The following SCHIP1 variants were observed in gnomAD, a reference collection of about 807,000 sequenced individuals.
The protein encoded by SCHIP1 is schwannomin interacting protein 1, also known as schwannomin-interacting protein 1.
A neutral mutation model predicts 29.7 loss-of-function variants in SCHIP1; 8 were observed. The ratio of observed to expected loss-of-function variants is 0.27; its 90% CI spans 0.16 to 0.49. The LOEUF (loss-of-function observed/expected upper bound fraction) is 0.49. Ranked by LOEUF, SCHIP1 falls within the 20% of genes least tolerant of loss-of-function variation. SCHIP1 has a pLI of 0.99. For missense variants in SCHIP1, 193 were observed against 294.6 expected (o/e 0.66, Z 2.52); for synonymous variants, 76 against 94.9 (o/e 0.80, Z 1.16).
the SCHIP1 span, among the ~76,000 whole-genome samples, chr3:159,568,281 A>G: frequency 1.3e-5 from 2 of 152,164 alleles, no homozygotes; most frequent in East Asian, 1.9e-4. Context: ...CATAAACATT[A>G]TATTTCTTTA....
exon 7 of SCHIP1, chr3:159,896,975 TA>T: frequency 2.1e-6 from 1 of 474,662 alleles, no homozygotes; most frequent in Non-Finnish European, 3.6e-6. Context: ...GGCATTTTAA[TA>T]AAATATTGTT....
the SCHIP1 span, among the ~76,000 whole-genome samples, chr3:159,561,488 C>T: frequency 6.6e-6 from 1 of 152,216 alleles, no homozygotes; most frequent in Non-Finnish European, 1.5e-5. Flanking sequence ...TATCAGTTAA[C>T]TGTCATGAAT....
At chr3:159,374,136 C>T in the SCHIP1 span, among the ~76,000 whole-genome samples, 2 of 152,082 alleles carry the variant, frequency 1.3e-5, no homozygotes, top group Admixed American at 1.3e-4. Flanking sequence ...TTTTTATATT[C>T]TGACTGCATG....
At chr3:159,732,553 A>G in the SCHIP1 span, among the ~76,000 whole-genome samples, 2 of 152,232 alleles carry the variant, frequency 1.3e-5, no homozygotes, top group Non-Finnish European at 2.9e-5. Context: ...AGTTGAAGGA[A>G]AAAACAAGGT....
the SCHIP1 span, among the ~76,000 whole-genome samples, chr3:159,726,804 C>G: frequency 6.6e-6 from 1 of 152,188 alleles, no homozygotes. Context: ...TTCCCAGGTG[C>G]AAACCTTTAC....
At chr3:159,500,621 G>T in the SCHIP1 span, among the ~76,000 whole-genome samples, 3 of 151,962 alleles carry the variant, frequency 2.0e-5, no homozygotes, top group Non-Finnish European at 2.9e-5. Context: ...GGCTGAGGCA[G>T]GAGAATGGCG....
chr3:159,801,626 A>G, the SCHIP1 span, among the ~76,000 whole-genome samples: 2 of 152,174 alleles, frequency 1.3e-5, no homozygotes, highest in Non-Finnish European at 2.9e-5. Context: ...AGTTTTGAAA[A>G]GGAAAAAAAA....
At chr3:159,881,491 A>G (rs1716437229) in intron 2 of SCHIP1, among the ~76,000 whole-genome samples, 1 of 152,246 alleles carries the variant, frequency 6.6e-6, no homozygotes, top group Non-Finnish European at 1.5e-5. Context: ...TCCCTGGCAT[A>G]TGGGACATTC....
the SCHIP1 span, among the ~76,000 whole-genome samples, chr3:159,424,184 C>T: frequency 2.6e-5 from 4 of 152,226 alleles, 1 homozygote; most frequent in African/African-American, 7.2e-5. Context: ...TGGAACAAAG[C>T]TGGACGGAGA....
At chr3:159,406,825 G>T in the SCHIP1 span, among the ~76,000 whole-genome samples, 2 of 152,098 alleles carry the variant, frequency 1.3e-5, no homozygotes, top group African/African-American at 4.8e-5. Flanking sequence ...GCTGTCATGA[G>T]TTTAAAATAT....
the SCHIP1 span, among the ~76,000 whole-genome samples, chr3:159,584,886 C>G: frequency 6.6e-6 from 1 of 152,080 alleles, no homozygotes; most frequent in South Asian, 2.1e-4. Context: ...CCTAACCACA[C>G]TGACCTCCTT....
chr3:159,748,288 A>C, the SCHIP1 span, among the ~76,000 whole-genome samples: 1 of 152,236 alleles, frequency 6.6e-6, no homozygotes, highest in Non-Finnish European at 1.5e-5. Flanking sequence ...GATGAATCAC[A>C]GTATATGTGT....
chr3:159,764,660 C>A, the SCHIP1 span: 1 of 1,595,692 alleles, frequency 6.3e-7, no homozygotes, highest in Non-Finnish European at 8.5e-7. The surrounding 1 kb of genome is among the most constrained non-coding windows in gnomAD (Gnocchi z 6.1). Flanking sequence ...GAGTGGGCGC[C>A]GGAGGAGGAC....
the SCHIP1 span, among the ~76,000 whole-genome samples, chr3:159,787,274 C>T: frequency 6.6e-6 from 1 of 152,184 alleles, no homozygotes; most frequent in Non-Finnish European, 1.5e-5. Context: ...AGCCTTCAGT[C>T]CTTTTTGTTT....
chr3:159,586,954 C>T, the SCHIP1 span, among the ~76,000 whole-genome samples: 1 of 152,182 alleles, frequency 6.6e-6, no homozygotes, highest in African/African-American at 2.4e-5. Context: ...TTAGGGCTAT[C>T]ATATACGTGT....
chr3:159,839,939 T>C, exon 1 of SCHIP1: 2 of 1,408,094 alleles, frequency 1.4e-6, no homozygotes, highest in East Asian at 2.7e-5. Flanking sequence ...CCCAGCTCCA[T>C]GTTCCTAAGC....
At position 159,843,001 on chromosome 3, in the gene SCHIP1, C is replaced by CTTTTTTTTTTTTTTTTTTT. The variant is rs566940351; in HGVS notation, c.30+2797_30+2815dup. Among the ~76,000 whole-genome samples, 99 of 63,718 alleles carry CTTTTTTTTTTTTTTTTTTT rather than the reference C, an allele frequency of 1.6e-3. 22 individuals are homozygous for CTTTTTTTTTTTTTTTTTTT. The highest frequency in any genetic ancestry group is 2.3e-3 in the Non-Finnish European group (68 of 30,160). The allele number at this position is 63,718 out of a possible 152,430, so 41.8% of individuals were successfully genotyped here. On this transcript the variant is annotated intron_variant, in intron 1 of 6. Coordinates refer to ENST00000445224, the Ensembl canonical transcript of SCHIP1. Reference sequence around the variant, plus strand: ...TCCAGTTCTATCCCAATATTTCTTTCTTTTTTTTTTTTTTTTTTTTTTTTT... The same window carrying CTTTTTTTTTTTTTTTTTTT: ...TCCAGTTCTATCCCAATATTTCTTTCTTTTTTTTTTTTTTTTTTTTTTTTTTTTTTTTTTTTTTTTTTTT...
upstream of SCHIP1, among the ~76,000 whole-genome samples, chr3:159,835,187 A>G (rs967187877): frequency 6.6e-6 from 1 of 152,184 alleles, no homozygotes; most frequent in African/African-American, 2.4e-5. Context: ...CATTTTTTCT[A>G]ACATTTCAAT....
chr3:159,707,671 C>T, the SCHIP1 span, among the ~76,000 whole-genome samples: 3 of 152,036 alleles, frequency 2.0e-5, no homozygotes, highest in Non-Finnish European at 4.4e-5. Context: ...GAACGAGATC[C>T]CATAATTTTT....
Sources: gnomAD v4.1 joint callset for allele counts (sites outside exome capture counted in the v4.1 genomes callset) on GRCh38, gnomAD v4.1.1 for gene constraint, Gnocchi (gnomAD v3.1) non-coding constraint, MANE v1.5 for transcripts, NCBI Gene and HGNC (gene_info 2026-07-23, HGNC 2026-07-21) for gene names.